Variants in NLK observed in about 807,000 individuals in gnomAD.
NLK encodes serine/threonine-protein kinase NLK.
Under a neutral mutation model 59.0 loss-of-function variants are expected in NLK, and 11 were observed. The observed-to-expected ratio is 0.19, with a 90% CI of 0.12 to 0.31. NLK has a LOEUF of 0.31. Ranked by LOEUF, NLK falls within the 10% of genes least tolerant of loss-of-function variation. The pLI is 1.00. For missense variants in NLK, 410 were observed against 661.1 expected (o/e 0.62, Z 4.16); for synonymous variants, 235 against 235.9 (o/e 1.00, Z 0.03).
At chr17:28,181,989 GA>G (rs1482177716) in intron 7 of NLK, among the ~76,000 whole-genome samples, 4 of 152,132 alleles carry the variant, frequency 2.6e-5, no homozygotes, top group African/African-American at 9.7e-5. Context: ...CAGCCTGGGG[GA>G]CAGAGCAAGA....
intron 3 of NLK, among the ~76,000 whole-genome samples, chr17:28,150,289 A>G (rs925448444): frequency 1.3e-5 from 2 of 152,162 alleles, no homozygotes; most frequent in African/African-American, 4.8e-5. Context: ...GAATAATTCA[A>G]CTATTTTTTG....
intron 3 of NLK, among the ~76,000 whole-genome samples, chr17:28,154,251 A>G (rs1342209497): frequency 6.6e-6 from 1 of 152,200 alleles, no homozygotes; most frequent in East Asian, 1.9e-4. Flanking sequence ...ATGTGGGCCT[A>G]AACATCGGAT....
intron 10 of NLK, among the ~76,000 whole-genome samples, chr17:28,193,403 C>T (rs1275674941): frequency 6.6e-6 from 1 of 152,150 alleles, no homozygotes; most frequent in African/African-American, 2.4e-5. Context: ...GACTGCCTGC[C>T]AGGAGAGTTC....
intron 3 of NLK, among the ~76,000 whole-genome samples, chr17:28,157,813 C>G (rs1196733451): frequency 2.0e-5 from 3 of 152,102 alleles, no homozygotes; most frequent in Non-Finnish European, 4.4e-5. Flanking sequence ...CCACTACATA[C>G]CTTGTAGAGT....
At chr17:28,121,472 G>C (rs2142817755) in intron 1 of NLK, among the ~76,000 whole-genome samples, 1 of 141,774 alleles carries the variant, frequency 7.1e-6, no homozygotes, top group East Asian at 2.0e-4. Flanking sequence ...TCAATTTATT[G>C]GTATTTCTTT....
At chr17:28,175,205 G>T (rs1165386435) in intron 7 of NLK, among the ~76,000 whole-genome samples, 1 of 151,822 alleles carries the variant, frequency 6.6e-6, no homozygotes, top group Non-Finnish European at 1.5e-5. Context: ...CAGCACTTTG[G>T]GAGGCGGAGG....
chr17:28,120,266 GTGTGTGTA>G lies in NLK; in HGVS notation c.459-2329_459-2322del, dbSNP rs1164551382. 7.5e-3 allele frequency among the ~76,000 whole-genome samples: 1,133 copies of G among 150,788 alleles called. 7 individuals carry two copies. Among genetic ancestry groups the G allele is most frequent in the African/African-American group, 0.026 (1,066 of 40,684 alleles). On this transcript the variant is annotated intron_variant, in intron 1 of 10. Coordinates refer to ENST00000407008, the MANE Select transcript of NLK (RefSeq NM_016231.5). ...TGTGTGTGTGTGTGTGTGTGTGTGTGTGTGTGTATGTGTGTGTGTAAAATACAGACAGG... is the reference window on the plus strand; with the variant it reads ...TGTGTGTGTGTGTGTGTGTGTGTGTGTGTGTGTGTGTAAAATACAGACAGG...
chr17:28,168,942 A>G (rs572026420), intron 6 of NLK, among the ~76,000 whole-genome samples: 154 of 152,080 alleles, frequency 1.0e-3, no homozygotes, highest in Middle Eastern at 3.4e-3. Flanking sequence ...CTGGAGTGCA[A>G]TGGTGCCATT....
At chr17:28,169,570 T>C (rs1051019790) in intron 6 of NLK, among the ~76,000 whole-genome samples, 1 of 152,196 alleles carries the variant, frequency 6.6e-6, no homozygotes, top group Non-Finnish European at 1.5e-5. Flanking sequence ...GGGTATTTTG[T>C]ATTAATTTGC....
intron 1 of NLK, among the ~76,000 whole-genome samples, chr17:28,103,396 A>C (rs1248711897): frequency 1.3e-5 from 2 of 152,290 alleles, no homozygotes; most frequent in East Asian, 1.9e-4. Context: ...TTGCAGTGTG[A>C]AAGTTTTTGT....
At chr17:28,170,316 G>T (rs1333035812) in intron 6 of NLK, among the ~76,000 whole-genome samples, 2 of 152,218 alleles carry the variant, frequency 1.3e-5, no homozygotes, top group African/African-American at 4.8e-5. Flanking sequence ...AGATTTGATT[G>T]ATGACATTTT....
chr17:28,064,116 C>T (rs1157026568), intron 1 of NLK, among the ~76,000 whole-genome samples: 1 of 144,802 alleles, frequency 6.9e-6, no homozygotes, highest in Non-Finnish European at 1.5e-5. Context: ...GGATGGCTAA[C>T]ATAGTAGTTA....
chr17:28,130,259 ACT>A (rs1242529826), intron 2 of NLK, among the ~76,000 whole-genome samples: 4 of 151,970 alleles, frequency 2.6e-5, no homozygotes, highest in Admixed American at 2.0e-4. Flanking sequence ...GGAGTTTCGA[ACT>A]CTGCCACTAT....
Position 28,192,097 on chromosome 17 carries a change from TATG to T in NLK, c.1436-19_1436-17del. On this transcript the variant is annotated intron_variant, in intron 9 of 10. Transcript: ENST00000407008. ...CGGGCTTGCAAATTGTCATGGATTG[TATG>T]ATGTTTGTTTTCTCCACAGAAATTA... The T allele has an allele frequency of 6.9e-7, 1 of 1,446,714 alleles. No individual in the cohort carries two copies. Among genetic ancestry groups the T allele is most frequent in the Non-Finnish European group, 9.6e-7 (1 of 1,036,864 alleles). The allele number at this position is 1,446,714 out of a possible 1,614,324, so 89.6% of individuals were successfully genotyped here. A position where few individuals can be genotyped will look rare whatever the true frequency, so the allele number is the denominator to read the frequency against.
At chr17:28,122,766 C>T in intron 2 of NLK, 34 bp downstream of exon 2, 1 of 1,611,626 alleles carries the variant, frequency 6.2e-7, no homozygotes, top group Non-Finnish European at 8.5e-7. Context: ...GAAACTATTT[C>T]CTAAGCCTCC....
chr17:28,163,433 T>C (rs1207996773), intron 4 of NLK, 110 bp from the exon 5 acceptor site: 2 of 645,506 alleles, frequency 3.1e-6, no homozygotes, highest in Admixed American at 5.7e-5. Context: ...TATGCAGTTA[T>C]TTAGGGAACA....
intron 8 of NLK, among the ~76,000 whole-genome samples, chr17:28,187,111 C>T (rs1014263133): frequency 1.3e-5 from 2 of 152,180 alleles, no homozygotes; most frequent in Non-Finnish European, 2.9e-5. Context: ...GAGGTAATTT[C>T]TGTCTGACCA....
intron 8 of NLK, among the ~76,000 whole-genome samples, chr17:28,188,607 A>G (rs548812458): frequency 6.6e-6 from 1 of 152,244 alleles, no homozygotes; most frequent in Admixed American, 6.5e-5. Context: ...CCTCCTGAAT[A>G]GCTGGGATTA....
intron 7 of NLK, among the ~76,000 whole-genome samples, chr17:28,173,596 T>G (rs1396953914): frequency 6.6e-6 from 1 of 152,228 alleles, no homozygotes; most frequent in African/African-American, 2.4e-5. Flanking sequence ...AATAGAGATG[T>G]ATGCTTGTAT....
Sources: gnomAD v4.1 joint callset for allele counts (sites outside exome capture counted in the v4.1 genomes callset) on GRCh38, gnomAD v4.1.1 for gene constraint, MANE v1.5 for transcripts, NCBI Gene and HGNC (gene_info 2026-07-23, HGNC 2026-07-21) for gene names.